Variants in CPEB3 observed in about 807,000 individuals in gnomAD.
CPEB3 encodes the protein cytoplasmic polyadenylation element binding protein 3.
Under a neutral mutation model 67.2 loss-of-function variants are expected in CPEB3, and 20 were observed. That is an observed-to-expected ratio of 0.30 (90% CI 0.21 to 0.43). The LOEUF (loss-of-function observed/expected upper bound fraction) is 0.43. CPEB3 is among the 20% of genes least tolerant of loss of function. The pLI, the probability that CPEB3 is intolerant of heterozygous loss-of-function variation, is 1.00. For synonymous variants in CPEB3, 376 were observed against 393.1 expected (o/e 0.96, Z 0.51); for missense variants, 746 against 968.6 (o/e 0.77, Z 3.05).
Position 92,239,525 on chromosome 10 carries a change from C to T in CPEB3, c.826G>A (p.Val276Met), listed in dbSNP as rs377693834. The change falls in exon 2 of 10, where the codon GTG becomes ATG. Residue 276 changes from valine (V) to methionine (M), a missense_variant. Around this residue, in one of 2 missense-constraint regions of CPEB3, gnomAD observed 643 missense variants for 717.5 expected, o/e 0.90. Coordinates refer to ENST00000265997, the MANE Select transcript of CPEB3 (RefSeq NM_014912.5). The surrounding 1 kb of genome is among the most constrained non-coding windows in gnomAD (Gnocchi z 6.0). ...RDPRRAVGVGVGVGVGVPSPL... is the reference protein window; with the variant it reads ...RDPRRAVGVGMGVGVGVPSPL... The stretch of plus-strand genomic sequence containing the variant: ...GAAGGCACCCCGACACCCACACCCA[C>T]GCCCACACCGACCGCCCGGCGAGGG... 1 of 1,564,550 alleles carries T rather than the reference C, an allele frequency of 6.4e-7. No individual in the cohort carries two copies. The highest frequency in any genetic ancestry group is 1.7e-4 in the Middle Eastern group (1 of 5,752).
chr10:92,263,093 GGA>G (rs1281401818), intron 1 of CPEB3, among the ~76,000 whole-genome samples: 3 of 152,030 alleles, frequency 2.0e-5, no homozygotes, highest in African/African-American at 7.2e-5. Flanking sequence ...TGTTGTTGTT[GGA>G]GACAGTCTCT....
chr10:92,234,037 T>C (rs1255818573), intron 2 of CPEB3, among the ~76,000 whole-genome samples: 1 of 142,642 alleles, frequency 7.0e-6, no homozygotes, highest in Non-Finnish European at 1.5e-5. Context: ...AACCCAGAGA[T>C]GGAGGTTGCA....
intron 9 of CPEB3, among the ~76,000 whole-genome samples, chr10:92,065,049 C>T (rs558883908): frequency 6.6e-6 from 1 of 152,116 alleles, no homozygotes; most frequent in African/African-American, 2.4e-5. Flanking sequence ...GCTGTTGATA[C>T]AACATTTTCA....
At chr10:92,053,276 C>G (rs1841970001) in intron 9 of CPEB3, among the ~76,000 whole-genome samples, 1 of 151,694 alleles carries the variant, frequency 6.6e-6, no homozygotes, top group Non-Finnish European at 1.5e-5. Flanking sequence ...TGACTGAAAA[C>G]CAAAAAAAGA....
intron 6 of CPEB3, among the ~76,000 whole-genome samples, chr10:92,117,806 A>G (rs1184859503): frequency 6.6e-6 from 1 of 152,156 alleles, no homozygotes; most frequent in African/African-American, 2.4e-5. Flanking sequence ...CACAACTATC[A>G]GGTACTAAAT....
intron 4 of CPEB3, among the ~76,000 whole-genome samples, chr10:92,179,926 G>T (rs1848389759): frequency 6.6e-6 from 1 of 152,162 alleles, no homozygotes; most frequent in African/African-American, 2.4e-5. Context: ...CACAACCCTA[G>T]ATTTATCCAG....
At chr10:92,234,496 C>T (rs1329397283) in intron 2 of CPEB3, among the ~76,000 whole-genome samples, 1 of 152,146 alleles carries the variant, frequency 6.6e-6, no homozygotes. Flanking sequence ...ATCTACACTG[C>T]ACTATTAAGC....
At position 92,096,238 on chromosome 10, in the gene CPEB3, C is replaced by T. The variant is rs144136561; in HGVS notation, c.1573-4294G>A. 2.2e-4 allele frequency among the ~76,000 whole-genome samples: 34 copies of T among 152,008 alleles called. No homozygotes were observed. The East Asian group carries it at 4.8e-3, about 22-fold the overall frequency. ...TACAAATTTTAAAACTATAGTAGAACGACTATTTATATAGCATTTACATTG... is the reference window on the plus strand; with the variant it reads ...TACAAATTTTAAAACTATAGTAGAATGACTATTTATATAGCATTTACATTG... On this transcript the variant is annotated intron_variant, in intron 7 of 9. Coordinates refer to ENST00000265997, the MANE Select transcript of CPEB3 (RefSeq NM_014912.5).
chr10:92,128,581 AT>A (rs2133689907), intron 6 of CPEB3, among the ~76,000 whole-genome samples: 2 of 152,324 alleles, frequency 1.3e-5, no homozygotes, highest in South Asian at 4.1e-4. Context: ...GTGAGAGAAA[AT>A]TTTTGCAAAC....
intron 2 of CPEB3, among the ~76,000 whole-genome samples, chr10:92,236,685 G>A (rs1001435001): frequency 1.1e-4 from 17 of 152,176 alleles, no homozygotes; most frequent in East Asian, 9.7e-4. Context: ...GGAGGCAGAG[G>A]TTGCAGTGAG....
intron 1 of CPEB3, among the ~76,000 whole-genome samples, chr10:92,278,796 TCAC>T (rs1237980220): frequency 6.6e-6 from 1 of 152,062 alleles, no homozygotes; most frequent in Non-Finnish European, 1.5e-5. Flanking sequence ...AGACAGGATT[TCAC>T]CATGTTGGCC....
chr10:92,280,781 C>T (rs1439998947), intron 1 of CPEB3, among the ~76,000 whole-genome samples: 31 of 94,000 alleles, frequency 3.3e-4, no homozygotes, highest in African/African-American at 1.4e-3. Flanking sequence ...TTTTTGGAGA[C>T]GGAGTTTTGC....
intron 7 of CPEB3, among the ~76,000 whole-genome samples, chr10:92,093,552 G>A (rs1843712807): frequency 1.3e-5 from 2 of 151,784 alleles, no homozygotes; most frequent in Non-Finnish European, 2.9e-5. Flanking sequence ...GCCCAGGCTG[G>A]AGTGAAGTGG....
chr10:92,130,279 AT>A (rs1353660156), intron 6 of CPEB3, among the ~76,000 whole-genome samples: 1 of 151,602 alleles, frequency 6.6e-6, no homozygotes, highest in East Asian at 1.9e-4. Context: ...ACTGCACTCT[AT>A]TTTTCCTTCA....
rs147645958 is a variant in CPEB3, at chr10:92,210,801, G to A, written c.1006-18165C>T. On this transcript the variant is annotated intron_variant, in intron 2 of 9. Coordinates refer to ENST00000265997, the MANE Select transcript of CPEB3 (RefSeq NM_014912.5). The stretch of plus-strand genomic sequence containing the variant: ...GCCTGTAATCCCAGCACTTTGGGAG[G>A]CCAAGGCGGGCGGATTACTTGAGGT... Among the ~76,000 whole-genome samples, 566 of 151,792 alleles carry A rather than the reference G, an allele frequency of 3.7e-3. 5 individuals are homozygous for A. The highest frequency in any genetic ancestry group is 0.013 in the African/African-American group (535 of 41,330).
chr10:92,162,621 G>A (rs1022572035), intron 4 of CPEB3, among the ~76,000 whole-genome samples: 2 of 151,974 alleles, frequency 1.3e-5, no homozygotes, highest in Non-Finnish European at 2.9e-5. Flanking sequence ...ATTTTACAGG[G>A]GGAAATACAA....
At chr10:92,246,377 A>C (rs1461043469) in intron 1 of CPEB3, among the ~76,000 whole-genome samples, 2 of 152,094 alleles carry the variant, frequency 1.3e-5, no homozygotes, top group Admixed American at 6.6e-5. Context: ...AAAATAAAAT[A>C]AAAATACCCT....
intron 8 of CPEB3, among the ~76,000 whole-genome samples, chr10:92,084,227 T>C (rs940719175): frequency 2.0e-5 from 3 of 151,660 alleles, no homozygotes; most frequent in Non-Finnish European, 4.4e-5. Flanking sequence ...AAACATTCCA[T>C]TACTTTGTGA....
At chr10:92,074,854 T>C (rs552491997) in intron 9 of CPEB3, among the ~76,000 whole-genome samples, 6 of 152,280 alleles carry the variant, frequency 3.9e-5, no homozygotes, top group Admixed American at 1.3e-4. Flanking sequence ...TAAAAGTGAA[T>C]TGGGGAGCCA....
Sources: gnomAD v4.1 joint callset for allele counts (sites outside exome capture counted in the v4.1 genomes callset) on GRCh38, gnomAD v4.1.1 for gene constraint, gnomAD v4.1.1 regional missense constraint, Gnocchi (gnomAD v3.1) non-coding constraint, MANE v1.5 for transcripts, NCBI Gene and HGNC (gene_info 2026-07-23, HGNC 2026-07-21) for gene names.